The following KAZN variants were observed in gnomAD, a reference collection of about 807,000 sequenced individuals.
KAZN encodes the protein kazrin, periplakin interacting protein.
Under a neutral mutation model 87.4 loss-of-function variants are expected in KAZN, and 40 were observed. That is an observed-to-expected ratio of 0.46 (90% CI 0.36 to 0.60). The LOEUF (loss-of-function observed/expected upper bound fraction) is 0.60. Among genes scored for constraint, KAZN ranks in the 20% least tolerant of loss-of-function variants. The pLI, the probability that KAZN is intolerant of heterozygous loss-of-function variation, is 0.00. For synonymous variants in KAZN, 466 were observed against 458.3 expected, an observed-to-expected ratio of 1.02 and a Z score of -0.22; for missense variants, 898 against 1,073.9, an observed-to-expected ratio of 0.84 and a Z score of 2.29.
chr1:14,611,111 AT>A lies in KAZN; in HGVS notation c.226+11895del, dbSNP rs1677783304. ...AAACTCAGGGAGATGGGAATGGGGC[AT>A]TTTTTTCTGTGCATCTTAGAGGAAT... On this transcript the variant is annotated intron_variant, in intron 1 of 14. Coordinates refer to ENST00000376030, the MANE Select transcript of KAZN (RefSeq NM_201628.3). 3.3e-5 allele frequency among the ~76,000 whole-genome samples: 5 copies of A among 152,178 alleles called. No homozygotes were observed. In the South Asian group the frequency reaches 8.3e-4, roughly 25 times the overall value.
intron 2 of KAZN, among the ~76,000 whole-genome samples, chr1:14,325,710 A>C (rs1280705628): frequency 6.6e-6 from 1 of 152,204 alleles, no homozygotes; most frequent in Non-Finnish European, 1.5e-5. Flanking sequence ...AACTCAGCAA[A>C]CTTGACGTGG....
At chr1:14,417,015 C>T (rs1398031120) in intron 2 of KAZN, among the ~76,000 whole-genome samples, 12 of 124,276 alleles carry the variant, frequency 9.7e-5, no homozygotes, top group African/African-American at 4.4e-4. Flanking sequence ...TATATGTACA[C>T]ACACACACAC....
intron 2 of KAZN, among the ~76,000 whole-genome samples, chr1:14,501,706 T>C (rs1325382211): frequency 4.6e-5 from 7 of 152,128 alleles, no homozygotes; most frequent in Non-Finnish European, 8.8e-5. Flanking sequence ...TATTGATAAA[T>C]GGCAATACTC....
chr1:14,418,136 G>A (rs972865939), intron 2 of KAZN, among the ~76,000 whole-genome samples: 3 of 150,620 alleles, frequency 2.0e-5, no homozygotes, highest in Non-Finnish European at 4.4e-5. Flanking sequence ...ATATCCTGTG[G>A]GTCCAATGGA....
rs114231740 is a variant in KAZN, at chr1:14,726,174, C to T, written c.226+126951C>T. Among the ~76,000 whole-genome samples, 168 of 152,304 alleles carry T rather than the reference C, an allele frequency of 1.1e-3. 1 individual carries two copies. Among genetic ancestry groups the T allele is most frequent in the African/African-American group, 3.8e-3 (160 of 41,574 alleles). On this transcript the variant is annotated intron_variant, in intron 1 of 14. Coordinates refer to ENST00000376030, the MANE Select transcript of KAZN (RefSeq NM_201628.3). ...CAGGAAAGGCCACCAACAGGGATTC[C>T]AAAAGGGCCTATGACAAGCCCTTGT...
At chr1:14,822,059 T>G (rs1646750789) in intron 1 of KAZN, among the ~76,000 whole-genome samples, 1 of 152,140 alleles carries the variant, frequency 6.6e-6, no homozygotes, top group Admixed American at 6.5e-5. Context: ...TTTTTTGGAT[T>G]AATGATTTTT....
intron 2 of KAZN, among the ~76,000 whole-genome samples, chr1:14,399,899 A>ATCATTT (rs1663241033): frequency 6.6e-6 from 1 of 152,076 alleles, no homozygotes; most frequent in African/African-American, 2.4e-5. Context: ...TGGCATTTAT[A>ATCATTT]CCCTGTTCAT....
At chr1:15,037,408 A>G (rs1672447240) in intron 3 of KAZN, among the ~76,000 whole-genome samples, 1 of 152,138 alleles carries the variant, frequency 6.6e-6, no homozygotes, top group Non-Finnish European at 1.5e-5. Context: ...ATAGGTTAGC[A>G]TCTCACCTCT....
chr1:14,858,788 G>C (rs1012236017), intron 1 of KAZN, among the ~76,000 whole-genome samples: 6 of 152,150 alleles, frequency 3.9e-5, no homozygotes, highest in African/African-American at 1.4e-4. Context: ...GGCTTGCATT[G>C]AGAGACCTTA....
At chr1:14,921,495 G>T (rs1043419333) in intron 1 of KAZN, among the ~76,000 whole-genome samples, 2 of 152,088 alleles carry the variant, frequency 1.3e-5, no homozygotes, top group African/African-American at 4.8e-5. Context: ...CATATTCCTA[G>T]TAGTTCTAAA....
At chr1:14,924,233 G>A in intron 1 of KAZN, 1 of 981,414 alleles carries the variant, frequency 1.0e-6, no homozygotes, top group Non-Finnish European at 1.2e-6. Flanking sequence ...GGCGCGCGCC[G>A]CCGGCCGGGC....
At chr1:14,514,380 A>ATT (rs1671116663) in intron 2 of KAZN, among the ~76,000 whole-genome samples, 5 of 21,738 alleles carry the variant, frequency 2.3e-4, no homozygotes, top group African/African-American at 9.4e-4. Flanking sequence ...TATATAATAT[A>ATT]TATATATTAT....
In KAZN at chr1:15,114,533, T is replaced by C. The variant is rs34135602; in HGVS notation, c.2226T>C (p.Tyr742=). Residue 742 remains tyrosine (Y), a synonymous_variant, in exon 15 of 15, where the codon TAT becomes TAC. Transcript: ENST00000376030. ...AAGATCCCGATTTCCATGATGACTA[T>C]GGCTCTCTTCAAAACGAAGATTGCG... The part of the protein sequence containing the change: ...SSKDPDFHDD[Y]GSLQNEDCGD... 93,028 of 1,611,338 alleles carry C rather than the reference T, an allele frequency of 0.058. 3,066 individuals carry two copies. The highest frequency in any genetic ancestry group is 0.065 in the Non-Finnish European group (76,128 of 1,178,682).
rs1641158422 is a variant in KAZN, at chr1:15,103,403, C to A, written c.1824C>A (p.Asp608Glu). 6.4e-7 allele frequency: 1 copy of A among 1,552,374 alleles called. No individual in the cohort carries two copies. ...RRARCETQNI[D>E]PVVWTNQRVL... is the part of the protein sequence containing the mutation. ...CCCGCTGCGAGACGCAGAACATTGA[C>A]CCCGTGGTGTGGACCAACCAGCGGG... The change falls in exon 12 of 15, where the codon GAC (aspartate) becomes GAA (glutamate). Residue 608 changes from aspartate (D) to glutamate (E), a missense_variant. Asp to Glu is a conservative substitution (Grantham distance 45). Coordinates refer to ENST00000376030, the MANE Select transcript of KAZN (RefSeq NM_201628.3).
chr1:14,975,900 C>T (rs1210342089), intron 2 of KAZN, among the ~76,000 whole-genome samples: 1 of 151,966 alleles, frequency 6.6e-6, no homozygotes, highest in East Asian at 1.9e-4. Context: ...GGCGTAGTGG[C>T]GGGCGCCTGT....
At chr1:14,072,030 A>G (rs1643266241) in intron 1 of KAZN, among the ~76,000 whole-genome samples, 1 of 152,188 alleles carries the variant, frequency 6.6e-6, no homozygotes, top group Non-Finnish European at 1.5e-5. Context: ...AACCATCTGG[A>G]CTGAAATACT....
At chr1:14,416,988 A>G (rs1664829226) in intron 2 of KAZN, among the ~76,000 whole-genome samples, 1 of 124,998 alleles carries the variant, frequency 8.0e-6, no homozygotes, top group African/African-American at 2.9e-5. Flanking sequence ...ATGTGTATAT[A>G]TATGTGTGTA....
At chr1:14,982,754 C>G (rs1032345516) in intron 2 of KAZN, among the ~76,000 whole-genome samples, 3 of 152,174 alleles carry the variant, frequency 2.0e-5, no homozygotes, top group Non-Finnish European at 2.9e-5. Flanking sequence ...GGGATCCAGG[C>G]CCCTGTGTCA....
intron 1 of KAZN, among the ~76,000 whole-genome samples, chr1:14,700,485 T>C (rs919903669): frequency 6.8e-6 from 1 of 146,966 alleles, no homozygotes; most frequent in Non-Finnish European, 1.5e-5. Flanking sequence ...AAAAAAAAAA[T>C]AGTCAGAGGC....
Sources: gnomAD v4.1 joint callset for allele counts (sites outside exome capture counted in the v4.1 genomes callset) on GRCh38, gnomAD v4.1.1 for gene constraint, MANE v1.5 for transcripts, NCBI Gene and HGNC (gene_info 2026-07-23, HGNC 2026-07-21) for gene names.